Variants in TIAM1 observed in about 807,000 individuals in gnomAD.
TIAM1 encodes the protein rho guanine nucleotide exchange factor TIAM1.
In TIAM1, 65 loss-of-function variants were observed where a neutral mutation model predicts 163.5. That is an observed-to-expected ratio of 0.40 (90% CI 0.33 to 0.49). The LOEUF is 0.49. Among genes scored for constraint, TIAM1 ranks in the 20% least tolerant of loss-of-function variants. The pLI, the probability that TIAM1 is intolerant of heterozygous loss-of-function variation, is 0.77. For synonymous variants in TIAM1, 833 were observed against 810.1 expected (o/e 1.03, Z -0.48); for missense variants, 1,789 against 2,044.7 (o/e 0.87, Z 2.41).
At chr21:31,165,200 A>C in intron 15 of TIAM1, 135 bp from the exon 16 acceptor site, 1 of 653,406 alleles carries the variant, frequency 1.5e-6, no homozygotes, top group Non-Finnish European at 2.7e-6. Flanking sequence ...TACAAGCTCC[A>C]TCACCTGGGC....
At position 31,120,734 on chromosome 21, in the gene TIAM1, C is replaced by G. The variant is rs79931350; in HGVS notation, c.4410G>C (p.Glu1470Asp). ...CCCCACCACCGGGGGGCTGCTGGGA[C>G]TCTTTCTCCGGGCTGCTTGCGGAGA... is the stretch of plus-strand genomic sequence containing the variant. ...DAVSASSPEK[E>D]SQQPPGGGDT... The change falls in exon 28 of 28, where the codon GAG becomes GAC. Residue 1470 changes from glutamate (E) to aspartate (D), a missense_variant. Physicochemically the swap from Glu to Asp is conservative, Grantham distance 45. Coordinates refer to ENST00000541036, the MANE Select transcript of TIAM1 (RefSeq NM_001353694.2). The surrounding 1 kb of genome is among the most constrained non-coding windows in gnomAD (Gnocchi z 4.2). The G allele has an allele frequency of 6.2e-7, 1 of 1,614,120 alleles. No individual in the cohort carries two copies. The highest frequency in any genetic ancestry group is 8.5e-7 in the Non-Finnish European group (1 of 1,180,014).
intron 4 of TIAM1, among the ~76,000 whole-genome samples, chr21:31,253,828 T>C (rs1307934632): frequency 2.0e-5 from 3 of 152,270 alleles, no homozygotes; most frequent in Non-Finnish European, 2.9e-5. Context: ...CTAGAGCCAA[T>C]TGGTAAAAAT....
chr21:31,427,779 A>T (rs1445245785), intron 2 of TIAM1, among the ~76,000 whole-genome samples: 2 of 152,122 alleles, frequency 1.3e-5, no homozygotes, highest in Admixed American at 6.5e-5. Context: ...GGCTGCAGTG[A>T]GCTGTGATCA....
At chr21:31,208,915 ACTT>A (rs2086583503) in intron 11 of TIAM1, among the ~76,000 whole-genome samples, 1 of 152,006 alleles carries the variant, frequency 6.6e-6, no homozygotes, top group South Asian at 2.1e-4. Context: ...CATCCATCCA[ACTT>A]CTTCTAGGAT....
intron 1 of TIAM1, among the ~76,000 whole-genome samples, chr21:31,512,054 TG>T (rs1357847835): frequency 6.6e-6 from 1 of 152,154 alleles, no homozygotes; most frequent in Non-Finnish European, 1.5e-5. Flanking sequence ...CTAAGCTGCC[TG>T]GGATGCACTG....
chr21:31,341,815 A>C (rs1156376835), intron 1 of TIAM1, among the ~76,000 whole-genome samples: 1 of 152,214 alleles, frequency 6.6e-6, no homozygotes, highest in Non-Finnish European at 1.5e-5. Context: ...ACAGAGTTCC[A>C]CTGGGCAGAA....
At chr21:31,160,286 C>G (rs980064869) in intron 16 of TIAM1, among the ~76,000 whole-genome samples, 4 of 152,164 alleles carry the variant, frequency 2.6e-5, no homozygotes, top group African/African-American at 7.2e-5. Flanking sequence ...AGCCACAATA[C>G]AGACTTTATG....
intron 6 of TIAM1, among the ~76,000 whole-genome samples, chr21:31,232,691 C>G (rs540852451): frequency 2.0e-5 from 3 of 152,240 alleles, no homozygotes; most frequent in African/African-American, 7.2e-5. Context: ...ACCTTGCCTC[C>G]CCTTCTTGAA....
chr21:31,461,886 C>T (rs1180966925), intron 2 of TIAM1, among the ~76,000 whole-genome samples: 1 of 152,064 alleles, frequency 6.6e-6, no homozygotes, highest in Non-Finnish European at 1.5e-5. Context: ...AGGCTGGTCT[C>T]GAACTCCTGG....
chr21:31,211,960 A>G (rs758206147), intron 10 of TIAM1, among the ~76,000 whole-genome samples: 21 of 152,270 alleles, frequency 1.4e-4, no homozygotes, highest in Non-Finnish European at 2.8e-4. Flanking sequence ...AAGATATCTC[A>G]GTATTAAATG....
chr21:31,320,989 C>CA (rs113119269), intron 2 of TIAM1, among the ~76,000 whole-genome samples: 2,537 of 137,446 alleles, frequency 0.018, 75 homozygotes, highest in African/African-American at 0.061. Flanking sequence ...GACTCTGTCT[C>CA]AAAAAAAAAA....
intron 13 of TIAM1, among the ~76,000 whole-genome samples, chr21:31,190,491 A>C (rs879204172): frequency 2.0e-5 from 3 of 152,160 alleles, no homozygotes; most frequent in Admixed American, 2.0e-4. Context: ...CATGATAAAC[A>C]ATAGAGAATT....
At chr21:31,531,481 G>A (rs2047968767) in intron 1 of TIAM1, among the ~76,000 whole-genome samples, 1 of 152,140 alleles carries the variant, frequency 6.6e-6, no homozygotes, top group Admixed American at 6.6e-5. Context: ...GTAAAAGTTA[G>A]GGTACAGAGA....
chr21:31,396,814 G>A lies in TIAM1; in HGVS notation c.-368-57392C>T, dbSNP rs138256236. Among the ~76,000 whole-genome samples, 378 of 151,944 alleles carry A rather than the reference G, an allele frequency of 2.5e-3. 1 individual carries two copies. Among genetic ancestry groups the A allele is most frequent in the African/African-American group, 8.9e-3 (367 of 41,412 alleles). ...AAAAATACAAAAATTAGCCGGGCCT[G>A]GTAGCAGATGCCTGTAATCCGAGCT... On this transcript the variant is annotated intron_variant, in intron 2 of 28. Transcript: ENST00000286827.
chr21:31,271,514 C>T (rs1382593490), intron 3 of TIAM1, among the ~76,000 whole-genome samples: 2 of 152,170 alleles, frequency 1.3e-5, no homozygotes, highest in African/African-American at 4.8e-5. Context: ...GATCCATGAA[C>T]TTAGGGGTGA....
chr21:31,468,226 A>C (rs537717726), intron 1 of TIAM1, among the ~76,000 whole-genome samples: 2 of 152,246 alleles, frequency 1.3e-5, no homozygotes, highest in Admixed American at 1.3e-4. Flanking sequence ...ATGTAATCCC[A>C]GTACTTTGGG....
chr21:31,202,881 G>A (rs1359123593), intron 12 of TIAM1, 27 bp downstream of exon 12: 1 of 1,579,386 alleles, frequency 6.3e-7, no homozygotes, highest in East Asian at 2.2e-5. Context: ...CCCATAAAGT[G>A]TGCTTGGACA....
chr21:31,259,139 C>T (rs5843500), intron 4 of TIAM1, among the ~76,000 whole-genome samples: 57 of 150,116 alleles, frequency 3.8e-4, no homozygotes, highest in South Asian at 4.2e-4. Context: ...TTTTTTTTTC[C>T]TTTTTCTTTT....
At position 31,416,504 on chromosome 21, in the gene TIAM1, C is replaced by T. The variant is rs1365856427; in HGVS notation, c.-369+47479G>A. On this transcript the variant is annotated intron_variant, in intron 2 of 28. Transcript: ENST00000286827. ...CCTTTCCCCCTGAGTCCCCAGAATC[C>T]ATTATATCACTCTTATGCCTTTGCA... Among the ~76,000 whole-genome samples the T allele has an allele frequency of 2.0e-5, 3 of 152,078 alleles. No individual in the cohort carries two copies. The East Asian group carries it at 5.8e-4, about 29-fold the overall frequency.
Sources: gnomAD v4.1 joint callset for allele counts (sites outside exome capture counted in the v4.1 genomes callset) on GRCh38, gnomAD v4.1.1 for gene constraint, Gnocchi (gnomAD v3.1) non-coding constraint, MANE v1.5 for transcripts, NCBI Gene and HGNC (gene_info 2026-07-23, HGNC 2026-07-21) for gene names.